Variants in CDH7 observed in about 807,000 individuals in gnomAD.
The protein encoded by CDH7 is cadherin 7.
Under a neutral mutation model 71.8 loss-of-function variants are expected in CDH7, and 25 were observed. The observed-to-expected ratio is 0.35, with a 90% CI of 0.25 to 0.49. The LOEUF (loss-of-function observed/expected upper bound fraction) is 0.49. Ranked by LOEUF, CDH7 falls within the 20% of genes least tolerant of loss-of-function variation. The probability of loss-of-function intolerance (pLI) is 0.99; values close to 1 mark genes in which losing one functional copy is unlikely to be tolerated. For synonymous variants in CDH7, 381 were observed against 363.8 expected (o/e 1.05, Z -0.54); for missense variants, 862 against 974.6 (o/e 0.88, Z 1.54).
intron 1 of CDH7, among the ~76,000 whole-genome samples, chr18:65,754,163 A>G (rs921769405): frequency 1.3e-5 from 2 of 152,184 alleles, no homozygotes; most frequent in African/African-American, 4.8e-5. Context: ...CTTCTAGTTA[A>G]TTATAAACTC....
rs1599075299 is a variant in CDH7 at position 65,886,360 on chromosome 18, A to C, written c.*5466A>C. ...TGCAACTTGGTATCCTAAATTGGAA[A>C]ATAATATTCAAATAGATAATTGTCA... On this transcript the variant is annotated 3_prime_UTR_variant, in exon 12 of 12. Transcript: ENST00000397968. 6.6e-6 allele frequency: 1 copy of C among 151,816 alleles called. No homozygotes were observed. The highest frequency in any genetic ancestry group is 3.4e-3 in the Middle Eastern group (1 of 290). 9.4% of individuals were successfully genotyped at this position (151,816 alleles called of 1,614,324 possible).
chr18:65,873,243 A>C (rs765943513), intron 11 of CDH7, among the ~76,000 whole-genome samples: 6 of 152,136 alleles, frequency 3.9e-5, no homozygotes, highest in Non-Finnish European at 8.8e-5. Flanking sequence ...CTAATCATTA[A>C]ACTGATTATA....
intron 4 of CDH7, 69 bp from the exon 5 acceptor site, chr18:65,822,012 A>G (rs1911947482): frequency 3.3e-6 from 4 of 1,199,950 alleles, no homozygotes; most frequent in Admixed American, 1.7e-5. Context: ...TACTACTTGT[A>G]TCAGTATTCT....
At chr18:65,837,951 G>C (rs1157198081) in intron 6 of CDH7, among the ~76,000 whole-genome samples, 2 of 120,142 alleles carry the variant, frequency 1.7e-5, no homozygotes, top group East Asian at 2.6e-4. Flanking sequence ...TTGAGACGAT[G>C]TCTTGCTCTG....
chr18:65,863,533 A>T (rs1290596849), intron 11 of CDH7: 1 of 155,500 alleles, frequency 6.4e-6, no homozygotes, highest in African/African-American at 2.4e-5. Flanking sequence ...GCTTTAGAGC[A>T]CTCTACAGAG....
chr18:65,758,115 G>A (rs1392407321), intron 1 of CDH7, among the ~76,000 whole-genome samples: 3 of 152,162 alleles, frequency 2.0e-5, no homozygotes, highest in Non-Finnish European at 4.4e-5. Context: ...TCTACATGTT[G>A]ATATTTGTAA....
chr18:65,874,083 T>C (rs1278190185), intron 11 of CDH7, among the ~76,000 whole-genome samples: 1 of 152,190 alleles, frequency 6.6e-6, no homozygotes, highest in Non-Finnish European at 1.5e-5. Context: ...GGTAAATCTG[T>C]AGAAAGCAAA....
At chr18:65,833,801 C>T (rs1055190234) in intron 6 of CDH7, among the ~76,000 whole-genome samples, 2 of 152,076 alleles carry the variant, frequency 1.3e-5, no homozygotes, top group African/African-American at 4.8e-5. Flanking sequence ...ATTTACATGT[C>T]GACATGTTTG....
At chr18:65,760,353 T>A (rs1346863976) in intron 1 of CDH7, among the ~76,000 whole-genome samples, 1 of 152,184 alleles carries the variant, frequency 6.6e-6, no homozygotes, top group Non-Finnish European at 1.5e-5. Flanking sequence ...ATTTGAATAT[T>A]TATCCGATGC....
intron 2 of CDH7, among the ~76,000 whole-genome samples, chr18:65,768,221 TG>T (rs57300836): frequency 0.41 from 57,768 of 140,160 alleles, 11,877 homozygotes; most frequent in African/African-American, 0.55. Flanking sequence ...TATGCGTTGT[TG>T]TTTTTTTTTT....
At position 65,887,141 on chromosome 18, in the gene CDH7, T is replaced by C. The variant is rs915383534; in HGVS notation, c.*6247T>C. The C allele has an allele frequency of 2.6e-5, 4 of 152,178 alleles. No homozygotes were observed. Among genetic ancestry groups the C allele is most frequent in the East Asian group, 3.9e-4 (2 of 5,192 alleles). 9.4% of individuals were successfully genotyped at this position (152,178 alleles called of 1,614,324 possible). On this transcript the variant is annotated 3_prime_UTR_variant, in exon 12 of 12. Transcript: ENST00000397968. ...GGTTTATATAAGCAGGAAAAACTTA[T>C]ATGATTCACTACCCTACAGCTTCAT...
intron 2 of CDH7, among the ~76,000 whole-genome samples, chr18:65,801,403 T>G (rs1330381910): frequency 6.6e-6 from 1 of 152,186 alleles, no homozygotes; most frequent in Non-Finnish European, 1.5e-5. Flanking sequence ...AAGGGACACT[T>G]TTAATCTGTA....
intron 2 of CDH7, among the ~76,000 whole-genome samples, chr18:65,784,250 A>G (rs543013298): frequency 1.4e-4 from 21 of 151,860 alleles, no homozygotes; most frequent in Non-Finnish European, 3.1e-4. Flanking sequence ...CTTAGCTGAA[A>G]AGTTGTAATT....
In CDH7 at chr18:65,882,797, T is replaced by TAACA. The variant is rs1041156711; in HGVS notation, c.*1914_*1917dup. 1 of 151,944 alleles carries TAACA rather than the reference T, an allele frequency of 6.6e-6. No homozygotes were observed. Among genetic ancestry groups the TAACA allele is most frequent in the Non-Finnish European group, 1.5e-5 (1 of 67,914 alleles). 9.4% of individuals were successfully genotyped at this position (151,944 alleles called of 1,614,324 possible). ...CATGCAAGTTTTTCAAACTAAAAAATAACAAACAAACAAAAAAACACGCGT... is the reference window on the plus strand; with the variant it reads ...CATGCAAGTTTTTCAAACTAAAAAATAACAAACAAACAAACAAAAAAACACGCGT... On this transcript the variant is annotated 3_prime_UTR_variant, in exon 12 of 12. Transcript: ENST00000397968.
intron 6 of CDH7, among the ~76,000 whole-genome samples, chr18:65,826,388 G>A (rs1912132347): frequency 6.6e-6 from 1 of 150,822 alleles, no homozygotes; most frequent in Non-Finnish European, 1.5e-5. Flanking sequence ...TGAAAATATA[G>A]AAACATTATA....
At chr18:65,772,404 C>T (rs965309560) in intron 2 of CDH7, among the ~76,000 whole-genome samples, 5 of 152,220 alleles carry the variant, frequency 3.3e-5, no homozygotes, top group Admixed American at 2.0e-4. Context: ...CTATCCCTGA[C>T]GCAGTTTACA....
At chr18:65,828,057 A>G (rs1317589624) in intron 6 of CDH7, among the ~76,000 whole-genome samples, 1 of 151,688 alleles carries the variant, frequency 6.6e-6, no homozygotes, top group Non-Finnish European at 1.5e-5. Context: ...AGTAGATACT[A>G]GATAGTGGGA....
At chr18:65,782,094 CCTTCCTTCCTTCCT>C (rs1910304497) in intron 2 of CDH7, among the ~76,000 whole-genome samples, 1 of 52,852 alleles carries the variant, frequency 1.9e-5, no homozygotes, top group Non-Finnish European at 3.0e-5. Flanking sequence ...TTCCTTCCTT[CCTTCCTTCCTTCCT>C]TCTTTCTTTC....
rs1807384107 is a variant in CDH7 at position 65,859,641 on chromosome 18, G to T, written c.1495-67G>T. The T allele has an allele frequency of 9.7e-6, 9 of 932,450 alleles. No individual in the cohort carries two copies. The Admixed American group carries it at 1.6e-4, about 16-fold the overall frequency. The allele number at this position is 932,450 out of a possible 1,614,324, so 57.8% of individuals were successfully genotyped here. On this transcript the variant is annotated intron_variant, in intron 9 of 11. Transcript: ENST00000397968. The stretch of plus-strand genomic sequence containing the variant: ...TTATTATAAAGTGTAAAATTGCTTT[G>T]TCCTGCCACAGAAAACTAAGCATAG...
Sources: gnomAD v4.1 joint callset for allele counts (sites outside exome capture counted in the v4.1 genomes callset) on GRCh38, gnomAD v4.1.1 for gene constraint, MANE v1.5 for transcripts, NCBI Gene and HGNC (gene_info 2026-07-23, HGNC 2026-07-21) for gene names.